The following MLXIPL variants were observed in gnomAD, a reference collection of about 807,000 sequenced individuals.
The protein encoded by MLXIPL is carbohydrate-responsive element-binding protein.
In MLXIPL, 49 loss-of-function variants were observed where a neutral mutation model predicts 81.5. That is an observed-to-expected ratio of 0.60 (90% CI 0.48 to 0.76). MLXIPL has a LOEUF of 0.76. MLXIPL is among the 30% of genes least tolerant of loss of function. The probability of loss-of-function intolerance (pLI) is 0.00; values close to 1 mark genes in which losing one functional copy is unlikely to be tolerated. For synonymous variants in MLXIPL, 466 were observed against 485.5 expected (o/e 0.96, Z 0.53); for missense variants, 1,053 against 1,167.0 (o/e 0.90, Z 1.42).
Position 73,607,151 on chromosome 7 carries a change from G to C in MLXIPL, c.574-133C>G, listed in dbSNP as rs1238031829. On this transcript the variant is annotated intron_variant, in intron 4 of 16. Transcript: ENST00000313375. ...AGGAGCTCACCCGACCCCTAGGTAA[G>C]GAGGCCGCTAGGAGACGCTGTGGCC... 2.2e-6 allele frequency: 3 copies of C among 1,340,208 alleles called. No individual in the cohort carries two copies. In the Admixed American group the frequency reaches 6.0e-5, roughly 27 times the overall value. The allele number at this position is 1,340,208 out of a possible 1,614,324, so 83.0% of individuals were successfully genotyped here.
At chr7:73,594,037 C>T in intron 16 of MLXIPL, 54 bp from the exon 17 acceptor site, 2 of 1,527,582 alleles carry the variant, frequency 1.3e-6, no homozygotes, top group Non-Finnish European at 1.8e-6. Flanking sequence ...CAGGGCCCTA[C>T]CCTTGGATGT....
At chr7:73,609,249 T>C (rs1554599198) in intron 2 of MLXIPL, 1 of 144,726 alleles carries the variant, frequency 6.9e-6, no homozygotes, top group Non-Finnish European at 1.5e-5. Context: ...TTTTTTTTTT[T>C]TTTTTTTTTT....
At chr7:73,625,269 G>A (rs868907264), upstream of MLXIPL, among the ~76,000 whole-genome samples, 28 of 152,186 alleles carry the variant, frequency 1.8e-4, no homozygotes, top group African/African-American at 6.3e-4. Flanking sequence ...CCTCCTGTGA[G>A]GCCAGAGATC....
At chr7:73,631,497 T>C in the MLXIPL span, among the ~76,000 whole-genome samples, 1 of 150,918 alleles carries the variant, frequency 6.6e-6, no homozygotes, top group Non-Finnish European at 1.5e-5. Flanking sequence ...GGAGTCAGGG[T>C]TGCATTTAGC....
chr7:73,607,625 G>T lies in MLXIPL; in HGVS notation c.448C>A (p.Gln150Lys). ...CGGTGCGCATCAGCCTCAGGCCCCT[G>T]CAGGGGGGTCACGAAGCCACACACG... ...SPVCGFVTPL[Q>K]GPEADAHRKP... Residue 150 changes from glutamine to lysine, a missense_variant, in exon 3 of 17, where the codon CAG (glutamine) becomes AAG (lysine). This residue lies in a region of MLXIPL where 226 missense variants were observed against 216.2 expected (regional missense o/e 1.05). Coordinates refer to ENST00000313375, the MANE Select transcript of MLXIPL (RefSeq NM_032951.3). 1 of 1,613,486 alleles carries T rather than the reference G, an allele frequency of 6.2e-7. No homozygotes were observed. The highest frequency in any genetic ancestry group is 8.5e-7 in the Non-Finnish European group (1 of 1,180,004).
At position 73,593,968 on chromosome 7, in the gene MLXIPL, A is replaced by G; in HGVS notation, c.2456T>C (p.Leu819Pro). The stretch of plus-strand genomic sequence containing the variant: ...ACTGGTAGATGTGCCCAGCTGGCGT[A>G]GGGAGTTCAGGACAGCTGGGTGGGA... ...PALRPTVLNS[L>P]RQLGTSTSIL... The change falls in exon 17 of 17, where the codon CTA becomes CCA. Residue 819 changes from leucine (L) to proline (P), a missense_variant. Coordinates refer to ENST00000313375, the MANE Select transcript of MLXIPL (RefSeq NM_032951.3). 1 of 1,613,942 alleles carries G rather than the reference A, an allele frequency of 6.2e-7. No homozygotes were observed. The highest frequency in any genetic ancestry group is 8.5e-7 in the Non-Finnish European group (1 of 1,179,892).
At position 73,597,693 on chromosome 7, in the gene MLXIPL, GC is replaced by G; in HGVS notation, c.1091del (p.Gly364AlafsTer9). The G allele has an allele frequency of 7.3e-7, 1 of 1,362,128 alleles. No individual in the cohort carries two copies. The highest frequency in any genetic ancestry group is 9.4e-7 in the Non-Finnish European group (1 of 1,061,256). 84.4% of individuals were successfully genotyped at this position (1,362,128 alleles called of 1,614,324 possible). A position where few individuals can be genotyped will look rare whatever the true frequency, so the allele number is the denominator to read the frequency against. On this transcript the variant is annotated frameshift_variant, in exon 9 of 17. Transcript: ENST00000313375. LOFTEE classifies it high-confidence loss of function. ...SRLQARNSCPGPLDSSAFLSS... is the reference protein window; with the variant it reads ...SRLQARNSCPXPLDSSAFLSS... ...TCAGGAAGGCGCTGGAGTCCAAGGG[GC>G]CAGGGCAGCTGTTCCGAGCCTGGTT...
At chr7:73,594,076 G>T in intron 16 of MLXIPL, 93 bp from the exon 17 acceptor site, 1 of 1,392,312 alleles carries the variant, frequency 7.2e-7, no homozygotes, top group Non-Finnish European at 1.0e-6. Context: ...GGAGGTATTA[G>T]TTGGCAAGAC....
rs782037136 is a variant in MLXIPL, at chr7:73,595,617, A to G, written c.2310+20T>C. Reference sequence around the variant, plus strand: ...CCACAGCCCCTGCAGCCCCCCAGCCATGGGCTTGAGGGAGGATACCACCCA... The same window carrying G: ...CCACAGCCCCTGCAGCCCCCCAGCCGTGGGCTTGAGGGAGGATACCACCCA... On this transcript the variant is annotated intron_variant, in intron 15 of 16. Coordinates refer to ENST00000313375, the MANE Select transcript of MLXIPL (RefSeq NM_032951.3). The G allele has an allele frequency of 6.2e-7, 1 of 1,614,082 alleles. No individual in the cohort carries two copies. The highest frequency in any genetic ancestry group is 1.3e-5 in the African/African-American group (1 of 75,050).
At chr7:73,643,342 G>A in the MLXIPL span, among the ~76,000 whole-genome samples, 25 of 152,116 alleles carry the variant, frequency 1.6e-4, no homozygotes, top group East Asian at 3.1e-3. Flanking sequence ...GTGAAACCCC[G>A]TCTCTACTAA....
Position 73,596,578 on chromosome 7 carries a change from T to C in MLXIPL, c.1822+61A>G, listed in dbSNP as rs1794325826. The stretch of plus-strand genomic sequence containing the variant: ...TCTGGCCCCAGACCCAGTCCCCTTC[T>C]TCTTCCTCCTCTTCCCCTCATCCCC... On this transcript the variant is annotated intron_variant, in intron 11 of 16. Coordinates refer to ENST00000313375, the MANE Select transcript of MLXIPL (RefSeq NM_032951.3). This position sits in a 1 kb window ranked among gnomAD's most constrained non-coding sequence, Gnocchi z 4.7. The C allele has an allele frequency of 1.3e-6, 2 of 1,599,942 alleles. No individual in the cohort carries two copies. Among genetic ancestry groups the C allele is most frequent in the South Asian group, 2.2e-5 (2 of 89,500 alleles).
intron 2 of MLXIPL, chr7:73,610,530 G>C (rs1795621758): frequency 6.6e-6 from 1 of 152,334 alleles, no homozygotes; most frequent in Non-Finnish European, 1.5e-5. Context: ...CAGTGGTACA[G>C]TGCTACGGCC....
rs782199012 is a variant in MLXIPL, at chr7:73,595,939, C to T, written c.2089G>A (p.Ala697Thr). 6.2e-7 allele frequency: 1 copy of T among 1,613,202 alleles called. No individual in the cohort carries two copies. Among genetic ancestry groups the T allele is most frequent in the Non-Finnish European group, 8.5e-7 (1 of 1,179,998 alleles). The change falls in exon 14 of 17, where the codon GCT (alanine) becomes ACT (threonine). Residue 697 changes from alanine to threonine, a missense_variant. Around this residue, in one of 3 missense-constraint regions of MLXIPL, gnomAD observed 823 missense variants for 933.0 expected, o/e 0.88. Coordinates refer to ENST00000313375, the MANE Select transcript of MLXIPL (RefSeq NM_032951.3). ...VSKATTLQKT[A>T]EYILMLQQER... Reference sequence around the variant, plus strand: ...TGCTGTAGCATAAGGATGTACTCAGCTGTCTTCTGCAGCGTGGTAGCTTTG... The same window carrying T: ...TGCTGTAGCATAAGGATGTACTCAGTTGTCTTCTGCAGCGTGGTAGCTTTG...
At chr7:73,601,039 G>A (rs13240065) in intron 7 of MLXIPL, among the ~76,000 whole-genome samples, 14,361 of 151,580 alleles carry the variant, frequency 0.095, 800 homozygotes, top group Middle Eastern at 0.13. Context: ...ACCTGGGTGG[G>A]CCCCAGCTCC....
the MLXIPL span, among the ~76,000 whole-genome samples, chr7:73,634,585 T>G: frequency 6.6e-6 from 1 of 151,298 alleles, no homozygotes; most frequent in Admixed American, 6.6e-5. Context: ...AGAGATGGGG[T>G]TTCATCATGT....
At chr7:73,595,612 C>G (rs1794213369) in intron 15 of MLXIPL, 25 bp downstream of exon 15, 1 of 1,614,118 alleles carries the variant, frequency 6.2e-7, no homozygotes, top group Non-Finnish European at 8.5e-7. Context: ...TGCAGCCCCC[C>G]AGCCATGGGC....
At chr7:73,616,848 CAAAAAAAAA>C (rs35467108) in intron 1 of MLXIPL, among the ~76,000 whole-genome samples, 1 of 51,636 alleles carries the variant, frequency 1.9e-5, no homozygotes, top group Non-Finnish European at 3.7e-5. Flanking sequence ...AACTCCGTCT[CAAAAAAAAA>C]AAAAAAAAAA....
chr7:73,647,548 C>A, the MLXIPL span, among the ~76,000 whole-genome samples: 1 of 152,218 alleles, frequency 6.6e-6, no homozygotes, highest in Non-Finnish European at 1.5e-5. Flanking sequence ...TTCTTGGATT[C>A]CTGATCCGGA....
chr7:73,605,614 C>T, intron 7 of MLXIPL, 74 bp downstream of exon 7: 2 of 1,391,376 alleles, frequency 1.4e-6, no homozygotes, highest in Non-Finnish European at 1.0e-6. Context: ...CCCAGAGGGG[C>T]CTGGGATGGG....
Sources: gnomAD v4.1 joint callset for allele counts (sites outside exome capture counted in the v4.1 genomes callset) on GRCh38, gnomAD v4.1.1 for gene constraint, gnomAD v4.1.1 regional missense constraint, Gnocchi (gnomAD v3.1) non-coding constraint, MANE v1.5 for transcripts, NCBI Gene and HGNC (gene_info 2026-07-23, HGNC 2026-07-21) for gene names.